The following SLIT1 variants were observed in gnomAD, a reference collection of about 807,000 sequenced individuals.
The protein encoded by SLIT1 is slit guidance ligand 1, also known as slit homolog 1 protein.
In SLIT1, 66 loss-of-function variants were observed where a neutral mutation model predicts 186.1. That is an observed-to-expected ratio of 0.35 (90% confidence interval 0.29 to 0.44). SLIT1 has a LOEUF of 0.44. Ranked by LOEUF, SLIT1 falls within the 20% of genes least tolerant of loss-of-function variation. SLIT1 has a pLI of 1.00. For synonymous variants in SLIT1, 761 were observed against 833.8 expected (o/e 0.91, Z 1.50); for missense variants, 1,638 against 2,037.4 (o/e 0.80, Z 3.77).
intron 4 of SLIT1, among the ~76,000 whole-genome samples, chr10:97,070,144 C>G (rs1482505131): frequency 2.6e-5 from 4 of 152,208 alleles, no homozygotes. Context: ...GACACAACCC[C>G]CCAACATTGT....
intron 34 of SLIT1, among the ~76,000 whole-genome samples, chr10:97,003,452 G>A (rs1848330713): frequency 6.6e-6 from 1 of 152,224 alleles, no homozygotes; most frequent in Non-Finnish European, 1.5e-5. Flanking sequence ...TTTGACAGAT[G>A]CTCATGACTG....
intron 28 of SLIT1, among the ~76,000 whole-genome samples, chr10:97,014,426 C>T (rs547964306): frequency 5.3e-5 from 8 of 152,060 alleles, no homozygotes; most frequent in South Asian, 4.1e-4. Context: ...AGCCAGGGAG[C>T]GGGCACAGAG....
chr10:97,135,512 T>TG (rs1849693774), intron 4 of SLIT1, among the ~76,000 whole-genome samples: 1 of 151,852 alleles, frequency 6.6e-6, no homozygotes, highest in African/African-American at 2.4e-5. Context: ...CAAGGGGAAG[T>TG]GGGGCAAGCT....
chr10:97,113,169 G>T (rs1849479864), intron 4 of SLIT1, among the ~76,000 whole-genome samples: 2 of 152,122 alleles, frequency 1.3e-5, no homozygotes, highest in Non-Finnish European at 2.9e-5. Context: ...TATATAATTT[G>T]ATATACAGCC....
intron 4 of SLIT1, among the ~76,000 whole-genome samples, chr10:97,132,203 C>T (rs949102437): frequency 1.3e-5 from 2 of 152,184 alleles, no homozygotes; most frequent in African/African-American, 4.8e-5. Context: ...CTGCCAGCCA[C>T]AGCCTCCTCC....
In SLIT1 at chr10:97,056,337, G is replaced by T; in HGVS notation, c.1285C>A (p.Arg429=). Residue 429 remains arginine (R), a synonymous_variant, in exon 13 of 37, where the codon CGG becomes AGG. Coordinates refer to ENST00000266058, the MANE Select transcript of SLIT1 (RefSeq NM_003061.3). The part of the protein sequence containing the change: ...SLAKGTFTSL[R]AIQTLHLAQN... The stretch of plus-strand genomic sequence containing the variant: ...GGCACTCACAGAGTCTGGATGGCCC[G>T]CAGGGAGGTGAAAGTGCCCTTGGCG... 6.2e-7 allele frequency: 1 copy of T among 1,614,136 alleles called. No homozygotes were observed. Among genetic ancestry groups the T allele is most frequent in the East Asian group, 2.2e-5 (1 of 44,890 alleles).
intron 4 of SLIT1, among the ~76,000 whole-genome samples, chr10:97,079,277 G>A (rs147455526): frequency 6.6e-6 from 1 of 152,286 alleles, no homozygotes; most frequent in Non-Finnish European, 1.5e-5. Context: ...GATGGGGGGT[G>A]CAGGGATTTG....
chr10:97,158,436 C>T (rs866434322), intron 3 of SLIT1, among the ~76,000 whole-genome samples: 4 of 151,780 alleles, frequency 2.6e-5, no homozygotes, highest in African/African-American at 7.3e-5. Flanking sequence ...CCGAGGCGGG[C>T]GGATCACCTG....
intron 4 of SLIT1, among the ~76,000 whole-genome samples, chr10:97,081,489 C>T (rs1849104830): frequency 1.3e-5 from 2 of 152,134 alleles, no homozygotes; most frequent in South Asian, 2.1e-4. Context: ...AGACCATGCC[C>T]CATTCTTCCA....
At chr10:97,088,143 AG>A (rs1849187244) in intron 4 of SLIT1, among the ~76,000 whole-genome samples, 1 of 152,126 alleles carries the variant, frequency 6.6e-6, no homozygotes, top group Non-Finnish European at 1.5e-5. Context: ...TTGATCAGGG[AG>A]GGAGCCTGGG....
intron 3 of SLIT1, among the ~76,000 whole-genome samples, chr10:97,161,759 C>T (rs1850029739): frequency 6.6e-6 from 1 of 152,206 alleles, no homozygotes; most frequent in African/African-American, 2.4e-5. Context: ...GCCTGGGCAA[C>T]AAGAGTGAAA....
chr10:97,057,467 C>G (rs901160425), intron 11 of SLIT1, among the ~76,000 whole-genome samples, 186 bp from the exon 12 acceptor site: 1 of 152,270 alleles, frequency 6.6e-6, no homozygotes, highest in Non-Finnish European at 1.5e-5. Context: ...GAAAGCGTTG[C>G]CTGCTTCTTG....
chr10:97,046,884 A>G (rs1219094939), intron 17 of SLIT1, 87 bp from the exon 18 acceptor site: 1 of 1,570,868 alleles, frequency 6.4e-7, no homozygotes, highest in Non-Finnish European at 8.7e-7. Context: ...ACCCCCACAC[A>G]CAGAGTCCTG....
chr10:97,118,324 C>T (rs1849526823), intron 4 of SLIT1, among the ~76,000 whole-genome samples: 1 of 152,164 alleles, frequency 6.6e-6, no homozygotes, highest in Non-Finnish European at 1.5e-5. Flanking sequence ...CCATGAACTT[C>T]CCAAAGAACT....
intron 4 of SLIT1, among the ~76,000 whole-genome samples, chr10:97,131,366 G>A (rs748817021): frequency 1.5e-4 from 23 of 152,264 alleles, no homozygotes; most frequent in Admixed American, 1.5e-3. Flanking sequence ...TCTGGTGGAT[G>A]TGAAGCCACA....
At chr10:97,069,896 G>A (rs746471757) in intron 4 of SLIT1, among the ~76,000 whole-genome samples, 2 of 152,168 alleles carry the variant, frequency 1.3e-5, no homozygotes, top group Non-Finnish European at 2.9e-5. Context: ...GATGGAAACG[G>A]TAATGGATAA....
At chr10:97,091,646 T>C (rs1849233080) in intron 4 of SLIT1, among the ~76,000 whole-genome samples, 1 of 152,268 alleles carries the variant, frequency 6.6e-6, no homozygotes, top group Non-Finnish European at 1.5e-5. Context: ...TTTATATTTG[T>C]ATGACAGTCA....
chr10:97,072,163 T>C, intron 4 of SLIT1, among the ~76,000 whole-genome samples: 1 of 152,178 alleles, frequency 6.6e-6, no homozygotes, highest in East Asian at 1.9e-4. Context: ...TTAATTATTT[T>C]GTTTATTTAT....
In SLIT1 at chr10:97,043,103, C is replaced by A; in HGVS notation, c.1998-36G>T. On this transcript the variant is annotated intron_variant, in intron 19 of 36. Transcript: ENST00000266058. This position sits in a 1 kb window ranked among gnomAD's most constrained non-coding sequence, Gnocchi z 7.0. ...CAGGCCAGGCGGCCATGGAGACACTCTGCCCCTCTCAGAGGTCCCAGCAAA... is the reference window on the plus strand; with the variant it reads ...CAGGCCAGGCGGCCATGGAGACACTATGCCCCTCTCAGAGGTCCCAGCAAA... The A allele has an allele frequency of 6.2e-7, 1 of 1,601,678 alleles. No individual in the cohort carries two copies. Among genetic ancestry groups the A allele is most frequent in the Admixed American group, 1.7e-5 (1 of 59,368 alleles).
Sources: gnomAD v4.1 joint callset for allele counts (sites outside exome capture counted in the v4.1 genomes callset) on GRCh38, gnomAD v4.1.1 for gene constraint, Gnocchi (gnomAD v3.1) non-coding constraint, MANE v1.5 for transcripts, NCBI Gene and HGNC (gene_info 2026-07-23, HGNC 2026-07-21) for gene names.